Variants in PPA2 observed in about 807,000 individuals in gnomAD.
PPA2 encodes inorganic pyrophosphatase 2.
Under a neutral mutation model 49.5 loss-of-function variants are expected in PPA2, and 48 were observed. The observed-to-expected ratio is 0.97, with a 90% CI of 0.77 to 1.23. The LOEUF is 1.23. PPA2 is among the 50% of genes most tolerant of loss of function. PPA2 has a pLI of 0.00. For missense variants in PPA2, 429 were observed against 410.1 expected (o/e 1.05, Z -0.40); for synonymous variants, 131 against 139.9 (o/e 0.94, Z 0.45).
At chr4:105,473,415 C>G (rs1226934759) in intron 1 of PPA2, 3 of 372,632 alleles carry the variant, frequency 8.1e-6, no homozygotes, top group Non-Finnish European at 1.6e-5. Context: ...TAGGCATCCG[C>G]AAAGTTCCGC....
rs375637385 is a variant in PPA2 at position 105,399,089 on chromosome 4, G to C, written c.731C>G (p.Pro244Arg). 7 of 1,610,306 alleles carry C rather than the reference G, an allele frequency of 4.3e-6. No homozygotes were observed. In the African/African-American group the frequency reaches 8.0e-5, roughly 18 times the overall value. ...TLNWFRLYKV[P>R]DGKPENQFAF... is the part of the protein sequence containing the mutation. ...AAACTGGTTTTCTGGTTTTCCATCT[G>C]GTACCTTATATAATCTAAACCAATT... Residue 244 changes from proline (P) to arginine (R), a missense_variant, in exon 8 of 12, where the codon CCA becomes CGA. Transcript: ENST00000341695.
At chr4:105,431,744 A>G (rs1283839303) in intron 6 of PPA2, among the ~76,000 whole-genome samples, 2 of 152,232 alleles carry the variant, frequency 1.3e-5, no homozygotes, top group African/African-American at 4.8e-5. Flanking sequence ...AATATTATTC[A>G]GCCATAAAAA....
At chr4:105,423,476 A>G (rs1023590599) in intron 7 of PPA2, 6 of 152,214 alleles carry the variant, frequency 3.9e-5, no homozygotes, top group Non-Finnish European at 7.4e-5. Flanking sequence ...TGTGAAAGCC[A>G]GATGCTTTAA....
intron 4 of PPA2, among the ~76,000 whole-genome samples, chr4:105,447,820 G>A (rs1370893451): frequency 2.0e-5 from 3 of 149,712 alleles, no homozygotes; most frequent in African/African-American, 7.4e-5. Flanking sequence ...TGCAACCTCT[G>A]CCTCCTGGAA....
At chr4:105,372,299 T>C (rs114230370) in intron 10 of PPA2, among the ~76,000 whole-genome samples, 1,783 of 151,960 alleles carry the variant, frequency 0.012, 47 homozygotes, top group African/African-American at 0.041. Flanking sequence ...TGCCCTACGG[T>C]GAGATATGTG....
chr4:105,472,144 C>T (rs1477335676), intron 1 of PPA2, among the ~76,000 whole-genome samples: 1 of 152,178 alleles, frequency 6.6e-6, no homozygotes, highest in African/African-American at 2.4e-5. Context: ...TGAGGATCAT[C>T]GTTTCAAGGT....
intron 7 of PPA2, among the ~76,000 whole-genome samples, chr4:105,409,331 G>A (rs2713874): frequency 0.59 from 90,047 of 152,154 alleles, 26,762 homozygotes; most frequent in East Asian, 0.68. Context: ...CTGTGAGACG[G>A]CAGCCTGGTG....
At chr4:105,422,189 A>G (rs946236268) in intron 7 of PPA2, among the ~76,000 whole-genome samples, 3 of 152,228 alleles carry the variant, frequency 2.0e-5, no homozygotes, top group African/African-American at 7.2e-5. Context: ...TAGGAGTTCA[A>G]AAACATATTA....
At chr4:105,449,819 T>C (rs1337363788) in intron 3 of PPA2, among the ~76,000 whole-genome samples, 2 of 152,186 alleles carry the variant, frequency 1.3e-5, no homozygotes, top group African/African-American at 2.4e-5. Flanking sequence ...CCACATGAGG[T>C]TGTTACAAAG....
chr4:105,438,008 T>C lies in PPA2; in HGVS notation c.470A>G (p.Lys157Arg). Residue 157 changes from lysine to arginine, a missense_variant, in exon 6 of 12, where the codon AAG becomes AGG. Coordinates refer to ENST00000341695, the MANE Select transcript of PPA2 (RefSeq NM_176869.3). ...ATTATCTCCAAAGCAGTTCGTGCTC[T>C]TATCTTTTTCATGGGGATCTTCCCA... ...QTWEDPHEKD[K>R]STNCFGDNDP... 1.2e-6 allele frequency: 2 copies of C among 1,606,494 alleles called. No homozygotes were observed. Among genetic ancestry groups the C allele is most frequent in the Non-Finnish European group, 1.7e-6 (2 of 1,178,146 alleles).
chr4:105,392,553 A>G (rs1733969024), intron 9 of PPA2, among the ~76,000 whole-genome samples: 1 of 151,952 alleles, frequency 6.6e-6, no homozygotes. Context: ...GGTGCCTGTA[A>G]TCCTAGCTAC....
At chr4:105,447,136 C>A (rs114163853) in intron 4 of PPA2, among the ~76,000 whole-genome samples, 2,982 of 152,142 alleles carry the variant, frequency 0.02, 77 homozygotes, top group African/African-American at 0.064. Context: ...ATATAATCAA[C>A]CTAAGTGTCC....
At chr4:105,456,615 CA>C in intron 2 of PPA2, 65 bp downstream of exon 2, 1 of 1,351,030 alleles carries the variant, frequency 7.4e-7, no homozygotes, top group East Asian at 2.4e-5. Context: ...AAGGTGCTTC[CA>C]AAAAGCATCT....
At chr4:105,409,543 T>C (rs1054577902) in intron 7 of PPA2, among the ~76,000 whole-genome samples, 8 of 152,242 alleles carry the variant, frequency 5.3e-5, no homozygotes, top group Non-Finnish European at 8.8e-5. Flanking sequence ...GCAGTGGTTC[T>C]CCCAGCACAG....
Position 105,384,535 on chromosome 4 carries a change from T to G in PPA2, c.939+2032A>C, listed in dbSNP as rs561872758. Among the ~76,000 whole-genome samples the G allele has an allele frequency of 4.0e-4, 61 of 152,304 alleles. 1 individual carries two copies. Among genetic ancestry groups the G allele is most frequent in the Non-Finnish European group, 7.6e-4 (52 of 68,020 alleles). ...ACTATATTATTTATGAATCTAAAAC[T>G]GAAATACATGGAATAGACTTAATCT... On this transcript the variant is annotated intron_variant, in intron 10 of 11. Transcript: ENST00000341695.
At position 105,389,782 on chromosome 4, in the gene PPA2, T is replaced by C. The variant is rs573885053; in HGVS notation, c.870-3146A>G. Among the ~76,000 whole-genome samples the C allele has an allele frequency of 2.9e-3, 448 of 152,312 alleles. 1 individual carries two copies. Among genetic ancestry groups the C allele is most frequent in the Non-Finnish European group, 4.9e-3 (332 of 68,026 alleles). On this transcript the variant is annotated intron_variant, in intron 9 of 11. Transcript: ENST00000341695. ...TTCAGGATAAAGATTTGTCAAGGCT[T>C]TTCATTCTAAATCAAAGTAGTCAAG...
intron 3 of PPA2, among the ~76,000 whole-genome samples, chr4:105,451,226 G>C (rs1057208081): frequency 1.3e-5 from 2 of 152,302 alleles, no homozygotes; most frequent in East Asian, 3.9e-4. Flanking sequence ...CATTGCTGAA[G>C]AGTATCACAG....
intron 7 of PPA2, among the ~76,000 whole-genome samples, chr4:105,407,595 C>A (rs954844866): frequency 6.6e-6 from 1 of 152,112 alleles, no homozygotes; most frequent in African/African-American, 2.4e-5. Context: ...AAATTTCCAA[C>A]AGTAATGTGA....
At chr4:105,447,919 T>C (rs544468058) in intron 4 of PPA2, 3 of 188,584 alleles carry the variant, frequency 1.6e-5, no homozygotes, top group African/African-American at 2.4e-5. Context: ...CTAATTTTTG[T>C]ATATTTAGTA....
Sources: gnomAD v4.1 joint callset for allele counts (sites outside exome capture counted in the v4.1 genomes callset) on GRCh38, gnomAD v4.1.1 for gene constraint, MANE v1.5 for transcripts, NCBI Gene and HGNC (gene_info 2026-07-23, HGNC 2026-07-21) for gene names.